The following GLRB variants were observed in gnomAD, a reference collection of about 807,000 sequenced individuals.
GLRB encodes the protein glycine receptor beta, also known as glycine receptor subunit beta.
In GLRB, 33 loss-of-function variants were observed where a neutral mutation model predicts 54.2. The ratio of observed to expected loss-of-function variants is 0.61; its 90% confidence interval spans 0.46 to 0.81. The LOEUF is 0.81. GLRB is among the 40% of genes least tolerant of loss of function. The probability of loss-of-function intolerance (pLI) is 0.00; values close to 1 mark genes in which losing one functional copy is unlikely to be tolerated. For missense variants in GLRB, 572 were observed against 584.6 expected (o/e 0.98, Z 0.22); for synonymous variants, 209 against 208.2 (o/e 1.00, Z -0.03).
chr4:157,168,201 C>A (rs1387649814), intron 9 of GLRB, among the ~76,000 whole-genome samples: 2 of 151,736 alleles, frequency 1.3e-5, no homozygotes, highest in Non-Finnish European at 2.9e-5. Context: ...TGATGCCATG[C>A]AGATGTAGGC....
At chr4:157,156,526 T>A (rs1737233587) in intron 9 of GLRB, among the ~76,000 whole-genome samples, 1 of 152,290 alleles carries the variant, frequency 6.6e-6, no homozygotes, top group East Asian at 1.9e-4. Context: ...TCAGACGCCC[T>A]TTATTTCTTT....
intron 2 of GLRB, among the ~76,000 whole-genome samples, chr4:157,085,905 T>A (rs1322473806): frequency 6.6e-6 from 1 of 152,208 alleles, no homozygotes; most frequent in Non-Finnish European, 1.5e-5. Context: ...AGGGGCTCCC[T>A]AACTTATATT....
At chr4:157,097,164 T>C (rs569918199) in intron 2 of GLRB, among the ~76,000 whole-genome samples, 3 of 152,334 alleles carry the variant, frequency 2.0e-5, no homozygotes, top group South Asian at 4.1e-4. Context: ...GTGTATTTGC[T>C]TAGCCAAATC....
chr4:157,104,561 A>T (rs1735151447), intron 2 of GLRB, among the ~76,000 whole-genome samples: 1 of 151,722 alleles, frequency 6.6e-6, no homozygotes, highest in Admixed American at 6.6e-5. Context: ...GTATCAGAGC[A>T]ATATTGGGCT....
chr4:157,136,788 C>A lies in GLRB; in HGVS notation c.528-16C>A. 1 of 1,570,190 alleles carries A rather than the reference C, an allele frequency of 6.4e-7. No individual in the cohort carries two copies. The highest frequency in any genetic ancestry group is 8.8e-7 in the Non-Finnish European group (1 of 1,140,180). On this transcript the variant is annotated splice_polypyrimidine_tract_variant and intron_variant, in intron 5 of 9. Coordinates refer to ENST00000264428, the MANE Select transcript of GLRB (RefSeq NM_000824.5). ...AAGTATATTAAATTATTTCTAAGAC[C>A]CATTTCTGCTTCCAGGTTATCTATT...
intron 8 of GLRB, among the ~76,000 whole-genome samples, chr4:157,151,406 T>A (rs915207154): frequency 6.6e-6 from 1 of 152,064 alleles, no homozygotes; most frequent in African/African-American, 2.4e-5. Flanking sequence ...CACTGTGGTC[T>A]GAGAGACAGT....
chr4:157,142,421 A>G (rs1046912922), intron 7 of GLRB, among the ~76,000 whole-genome samples: 3 of 152,156 alleles, frequency 2.0e-5, no homozygotes, highest in Non-Finnish European at 4.4e-5. Flanking sequence ...TTTTTGTTAC[A>G]TATTAGCTCT....
intron 9 of GLRB, among the ~76,000 whole-genome samples, chr4:157,164,739 A>T (rs973696694): frequency 7.2e-5 from 11 of 152,310 alleles, no homozygotes; most frequent in African/African-American, 2.4e-4. Flanking sequence ...GAAGGAGGCT[A>T]TCTAGAACCA....
At chr4:157,152,597 C>A (rs1737062523) in intron 8 of GLRB, 121 bp from the exon 9 acceptor site, 1 of 801,596 alleles carries the variant, frequency 1.2e-6, no homozygotes, top group Non-Finnish European at 2.2e-6. Flanking sequence ...TTTAAGGGGA[C>A]CTGACAAATT....
chr4:157,103,177 A>C (rs2126486728), intron 2 of GLRB, among the ~76,000 whole-genome samples: 1 of 152,022 alleles, frequency 6.6e-6, no homozygotes, highest in South Asian at 2.1e-4. Context: ...AAAAAAAGAA[A>C]GTGAAGTAGG....
At position 157,143,877 on chromosome 4, in the gene GLRB, C is replaced by T. The variant is rs147320218; in HGVS notation, c.822C>T (p.Tyr274=). 3.9e-4 allele frequency: 632 copies of T among 1,613,594 alleles called. 1 individual carries two copies. In the Middle Eastern group the frequency reaches 8.9e-3, roughly 23 times the overall value. ...TCGGCTTTTACATGATGGGGGTCTACGCCCCAACTCTGCTCATTGTTGTTC... is the reference window on the plus strand; with the variant it reads ...TCGGCTTTTACATGATGGGGGTCTATGCCCCAACTCTGCTCATTGTTGTTC... ...RQVGFYMMGV[Y]APTLLIVVLS... The change falls in exon 8 of 10, where the codon TAC becomes TAT. Residue 274 remains tyrosine (Y), a synonymous_variant. Transcript: ENST00000264428.
chr4:157,125,877 G>A (rs1735998038), intron 4 of GLRB, among the ~76,000 whole-genome samples: 1 of 151,996 alleles, frequency 6.6e-6, no homozygotes, highest in African/African-American at 2.4e-5. Flanking sequence ...GAATCCAGGA[G>A]GTGGAGGTTG....
At chr4:157,137,902 A>T (rs898907380) in intron 6 of GLRB, among the ~76,000 whole-genome samples, 1 of 152,128 alleles carries the variant, frequency 6.6e-6, no homozygotes, top group African/African-American at 2.4e-5. Context: ...TCGATACTAG[A>T]CTAGTGTATG....
At chr4:157,095,423 T>A (rs1734774009) in intron 2 of GLRB, among the ~76,000 whole-genome samples, 1 of 152,086 alleles carries the variant, frequency 6.6e-6, no homozygotes, top group Admixed American at 6.6e-5. Flanking sequence ...GTTTGAGGTA[T>A]CCATTAGACA....
intron 9 of GLRB, among the ~76,000 whole-genome samples, chr4:157,162,794 T>C (rs1467347268): frequency 1.3e-5 from 2 of 152,214 alleles, no homozygotes; most frequent in East Asian, 3.9e-4. Context: ...GGGACCCACT[T>C]GAGAAGGCAG....
At chr4:157,105,817 G>C (rs375370157) in intron 2 of GLRB, among the ~76,000 whole-genome samples, 1 of 151,688 alleles carries the variant, frequency 6.6e-6, no homozygotes, top group Non-Finnish European at 1.5e-5. Context: ...ATTTTATCTA[G>C]GTATAGTCAT....
chr4:157,082,997 T>C (rs1009937983), intron 2 of GLRB, among the ~76,000 whole-genome samples: 4 of 147,462 alleles, frequency 2.7e-5, no homozygotes, highest in African/African-American at 5.0e-5. Context: ...TATACACACA[T>C]ACTTACAATT....
At chr4:157,076,900 A>C (rs1579174299) in intron 1 of GLRB, among the ~76,000 whole-genome samples, 1 of 136,272 alleles carries the variant, frequency 7.3e-6, no homozygotes, top group East Asian at 2.2e-4. Context: ...TCTTCAATTT[A>C]AAGTACCCAG....
chr4:157,080,191 G>A (rs1734175851), intron 2 of GLRB, among the ~76,000 whole-genome samples: 1 of 152,130 alleles, frequency 6.6e-6, no homozygotes, highest in Admixed American at 6.6e-5. Context: ...TAGATAAAGA[G>A]TATAACAATA....
Sources: allele counts gnomAD v4.1 joint callset (sites outside exome capture counted in the v4.1 genomes callset), GRCh38; gene constraint gnomAD v4.1.1; transcripts MANE v1.5; gene names NCBI Gene and HGNC (gene_info 2026-07-23, HGNC 2026-07-21).